SEPTIN8: variants seen among roughly 807,000 people sequenced by gnomAD.
SEPTIN8 encodes septin-8.
SEPTIN8 carries 22 observed loss-of-function variants against 53.1 expected under a neutral mutation model. The ratio of observed to expected loss-of-function variants is 0.41; its 90% CI spans 0.30 to 0.59. The LOEUF (loss-of-function observed/expected upper bound fraction) is 0.59, where lower values mean the gene tolerates loss of function less well. Among genes scored for constraint, SEPTIN8 ranks in the 20% least tolerant of loss-of-function variants. SEPTIN8 has a pLI of 0.24. For synonymous variants in SEPTIN8, 228 were observed against 248.4 expected (o/e 0.92, Z 0.77); for missense variants, 536 against 638.7 (o/e 0.84, Z 1.73).
chr5:132,752,419 C>CT (rs1182681259), intron 9 of SEPTIN8, among the ~76,000 whole-genome samples: 1 of 152,124 alleles, frequency 6.6e-6, no homozygotes, highest in African/African-American at 2.4e-5. Flanking sequence ...GGGGTGGTCT[C>CT]TGAGAGTGAG....
chr5:132,765,960 T>C (rs558608784), intron 1 of SEPTIN8, among the ~76,000 whole-genome samples: 1 of 152,266 alleles, frequency 6.6e-6, no homozygotes, highest in African/African-American at 2.4e-5. Flanking sequence ...ATGCTGCCCC[T>C]GCCTAGTCCT....
Position 132,751,158 on chromosome 5 carries a change from G to A in SEPTIN8, c.*858C>T. ...CTCATGACATACGGAAGAGTGAAAA[G>A]GTATCTTAAATCCAACACAGTTCCA... is the stretch of plus-strand genomic sequence containing the variant. On this transcript the variant is annotated 3_prime_UTR_variant, in exon 10 of 10. Coordinates refer to ENST00000378719, the MANE Select transcript of SEPTIN8 (RefSeq NM_001098811.2). 1 of 678,722 alleles carries A rather than the reference G, an allele frequency of 1.5e-6. No individual in the cohort carries two copies. Among genetic ancestry groups the A allele is most frequent in the African/African-American group, 1.8e-5 (1 of 54,850 alleles). 42.0% of individuals were successfully genotyped at this position (678,722 alleles called of 1,614,324 possible).
At chr5:132,753,682 G>C (rs1489765000) in intron 9 of SEPTIN8, 2 of 152,510 alleles carry the variant, frequency 1.3e-5, no homozygotes, top group Non-Finnish European at 2.9e-5. Flanking sequence ...TAATGAATGG[G>C]TATTATAGGC....
At chr5:132,759,279 A>G (rs1755654805) in intron 9 of SEPTIN8, among the ~76,000 whole-genome samples, 2 of 152,116 alleles carry the variant, frequency 1.3e-5, no homozygotes, top group African/African-American at 4.8e-5. Context: ...TAGCAGGTCC[A>G]GAGAACAGGA....
intron 1 of SEPTIN8, among the ~76,000 whole-genome samples, chr5:132,770,059 GTGTGTATATA>G (rs1757088038): frequency 1.3e-5 from 1 of 77,628 alleles, no homozygotes; most frequent in Non-Finnish European, 2.7e-5. Context: ...GTGTGTGTGT[GTGTGTATATA>G]TATATATATA....
intron 1 of SEPTIN8, among the ~76,000 whole-genome samples, chr5:132,774,576 C>G (rs189379579): frequency 4.3e-4 from 65 of 152,318 alleles, no homozygotes; most frequent in African/African-American, 1.5e-3. Flanking sequence ...TAGGGTGGAG[C>G]AGAGCCCAGT....
At position 132,760,851 on chromosome 5, in the gene SEPTIN8, A is replaced by G. The variant is rs774093901; in HGVS notation, c.1237T>C (p.Leu413=). The G allele has an allele frequency of 3.1e-6, 5 of 1,613,808 alleles. No individual in the cohort carries two copies. Among genetic ancestry groups the G allele is most frequent in the Middle Eastern group, 3.3e-4 (2 of 6,056 alleles). The part of the protein sequence containing the change: ...AAVEALQSQA[L]HATSQQPLRK... ...AGGGGCTGCTGCGAGGTGGCGTGCA[A>G]GGCCTGCGACTGCAGGGCCTCCACC... The change falls in exon 9 of 10, where the codon TTG becomes CTG. Residue 413 remains leucine, a synonymous_variant. Coordinates refer to ENST00000378719, the MANE Select transcript of SEPTIN8 (RefSeq NM_001098811.2). The surrounding 1 kb of genome is among the most constrained non-coding windows in gnomAD (Gnocchi z 5.2).
In SEPTIN8 at chr5:132,751,725, C is replaced by G; in HGVS notation, c.*291G>C. The stretch of plus-strand genomic sequence containing the variant: ...AACATTGTCATCTAGGTACTTTCCG[C>G]TCATAACGATGATGTCACAAAGCAG... On this transcript the variant is annotated 3_prime_UTR_variant, in exon 10 of 10. Transcript: ENST00000378719. 1 of 580,888 alleles carries G rather than the reference C, an allele frequency of 1.7e-6. No homozygotes were observed. Among genetic ancestry groups the G allele is most frequent in the South Asian group, 2.2e-5 (1 of 45,488 alleles). The allele number at this position is 580,888 out of a possible 1,614,324, so 36.0% of individuals were successfully genotyped here.
chr5:132,771,271 A>T (rs1418976327), intron 1 of SEPTIN8, among the ~76,000 whole-genome samples: 1 of 152,182 alleles, frequency 6.6e-6, no homozygotes, highest in African/African-American at 2.4e-5. Flanking sequence ...AATCTACTGA[A>T]TCTCTAAACC....
intron 9 of SEPTIN8, chr5:132,758,759 C>A: frequency 2.5e-6 from 4 of 1,614,050 alleles, no homozygotes; most frequent in Non-Finnish European, 2.5e-6. Context: ...CAAGGTGTAA[C>A]TCAAGCAACT....
chr5:132,771,049 G>A (rs1757273006), intron 1 of SEPTIN8, among the ~76,000 whole-genome samples: 2 of 152,214 alleles, frequency 1.3e-5, no homozygotes, highest in Admixed American at 6.5e-5. Context: ...CCAAGACAAA[G>A]TAGAGAACAG....
At position 132,764,377 on chromosome 5, in the gene SEPTIN8, A is replaced by C; in HGVS notation, c.194T>G (p.Phe65Cys). The C allele has an allele frequency of 3.1e-6, 5 of 1,614,096 alleles. No homozygotes were observed. The highest frequency in any genetic ancestry group is 4.2e-6 in the Non-Finnish European group (5 of 1,179,990). ...TTCCTCAGTCTCGAAGGTCGTGTTG[A>C]AGAGTGTGTTCATCAGTGTGGATTT... ...IGKSTLMNTL[F>C]NTTFETEEAS... The change falls in exon 3 of 10, where the codon TTC becomes TGC. Residue 65 changes from phenylalanine (F) to cysteine (C), a missense_variant. Phe to Cys is a radical substitution (Grantham distance 205, BLOSUM62 -2). Coordinates refer to ENST00000378719, the MANE Select transcript of SEPTIN8 (RefSeq NM_001098811.2).
In SEPTIN8 at chr5:132,764,157, C is replaced by G. The variant is rs1756318992; in HGVS notation, c.347+67G>C. The G allele has an allele frequency of 2.7e-6, 4 of 1,502,332 alleles. No individual in the cohort carries two copies. In the Admixed American group the frequency reaches 5.7e-5, roughly 22 times the overall value. 93.1% of individuals were successfully genotyped at this position (1,502,332 alleles called of 1,614,324 possible). On this transcript the variant is annotated intron_variant, in intron 3 of 9. Coordinates refer to ENST00000378719, the MANE Select transcript of SEPTIN8 (RefSeq NM_001098811.2). ...CCCCTGCAGTGTGAGGGCTGGGCTA[C>G]TGTTATAGGGGCCAATGTAGGTGGG...
chr5:132,760,987 A>G lies in SEPTIN8; in HGVS notation c.1101T>C (p.His367=), dbSNP rs749348556. ...CCCGCTTCAGGTGCTCAAACTTCTC[A>G]TGGAGCTGGCATCAGAAAGGGGGCA... ...LELKEKEREL[H]EKFEHLKRVH... is the part of the protein sequence containing the mutation. The change falls in exon 9 of 10, where the codon CAT becomes CAC. Residue 367 remains histidine, a synonymous_variant. Transcript: ENST00000378719. The surrounding 1 kb of genome is among the most constrained non-coding windows in gnomAD (Gnocchi z 5.2). 6.3e-7 allele frequency: 1 copy of G among 1,579,618 alleles called. No homozygotes were observed. Among genetic ancestry groups the G allele is most frequent in the Non-Finnish European group, 8.6e-7 (1 of 1,163,334 alleles).
intron 1 of SEPTIN8, among the ~76,000 whole-genome samples, chr5:132,768,891 T>C (rs944759397): frequency 6.6e-6 from 1 of 152,208 alleles, no homozygotes; most frequent in Non-Finnish European, 1.5e-5. Context: ...ATCCTCTTTA[T>C]TGCTGAGGCT....
At position 132,767,909 on chromosome 5, in the gene SEPTIN8, C is replaced by T. The variant is rs548439101; in HGVS notation, c.31-2380G>A. Among the ~76,000 whole-genome samples the T allele has an allele frequency of 2.1e-3, 316 of 150,224 alleles. 1 individual carries two copies. Among genetic ancestry groups the T allele is most frequent in the Non-Finnish European group, 3.5e-3 (236 of 67,692 alleles). On this transcript the variant is annotated intron_variant, in intron 1 of 9. Coordinates refer to ENST00000378719, the MANE Select transcript of SEPTIN8 (RefSeq NM_001098811.2). ...TGCAATCCAACATCCTGTAGTCTGC[C>T]GCCAAACCCCACCAAGTCAGCTGTG... is the stretch of plus-strand genomic sequence containing the variant.
At chr5:132,777,351 A>T (rs1027563938), upstream of SEPTIN8, 58 of 1,047,370 alleles carry the variant, frequency 5.5e-5, no homozygotes, top group African/African-American at 9.0e-4. This position sits in a 1 kb window ranked among gnomAD's most constrained non-coding sequence, Gnocchi z 4.1. Context: ...CGGCCCGGCC[A>T]CGAGCGCAGC....
chr5:132,752,366 A>G (rs185936814), intron 9 of SEPTIN8, among the ~76,000 whole-genome samples, 185 bp from the exon 10 acceptor site: 3 of 152,248 alleles, frequency 2.0e-5, no homozygotes, highest in East Asian at 3.9e-4. Flanking sequence ...GTCACGCTCT[A>G]TGCACTTGAG....
intron 1 of SEPTIN8, among the ~76,000 whole-genome samples, chr5:132,770,086 T>C (rs1757120015): frequency 1.2e-4 from 6 of 52,020 alleles, no homozygotes; most frequent in African/African-American, 1.0e-3. Flanking sequence ...TATATGTATA[T>C]ATGTATATAT....
Sources: allele counts gnomAD v4.1 joint callset (sites outside exome capture counted in the v4.1 genomes callset), GRCh38; gene constraint gnomAD v4.1.1; non-coding constraint Gnocchi (gnomAD v3.1); transcripts MANE v1.5; gene names NCBI Gene and HGNC (gene_info 2026-07-23, HGNC 2026-07-21).